The following SEC24B variants were observed in gnomAD, a reference collection of about 807,000 sequenced individuals.
The protein encoded by SEC24B is protein transport protein Sec24B.
In SEC24B, 45 loss-of-function variants were observed where a neutral mutation model predicts 142.8. The observed-to-expected ratio is 0.32, with a 90% CI of 0.25 to 0.40. The LOEUF (loss-of-function observed/expected upper bound fraction) is 0.40, where lower values mean the gene tolerates loss of function less well. Among genes scored for constraint, SEC24B ranks in the 10% least tolerant of loss-of-function variants. SEC24B has a pLI of 1.00. For synonymous variants in SEC24B, 574 were observed against 568.2 expected (o/e 1.01, Z -0.15); for missense variants, 1,409 against 1,526.8 (o/e 0.92, Z 1.29).
intron 4 of SEC24B, among the ~76,000 whole-genome samples, chr4:109,489,632 G>A (rs919715992): frequency 1.4e-5 from 2 of 144,092 alleles, no homozygotes; most frequent in African/African-American, 5.2e-5. Context: ...TAATATATAT[G>A]GTATATATAT....
At chr4:109,444,052 A>G (rs997107359) in intron 1 of SEC24B, among the ~76,000 whole-genome samples, 1 of 151,792 alleles carries the variant, frequency 6.6e-6, no homozygotes, top group Non-Finnish European at 1.5e-5. Flanking sequence ...GTAAAAACCC[A>G]TCTCTACTAA....
At chr4:109,517,720 T>C (rs369191570) in intron 11 of SEC24B, among the ~76,000 whole-genome samples, 3 of 152,168 alleles carry the variant, frequency 2.0e-5, no homozygotes, top group East Asian at 3.8e-4. Context: ...ATACATACAA[T>C]CTTATCTGTC....
intron 3 of SEC24B, among the ~76,000 whole-genome samples, chr4:109,478,320 T>G (rs771119197): frequency 1.1e-4 from 17 of 151,750 alleles, no homozygotes; most frequent in Admixed American, 3.9e-4. Context: ...ATAAAATAAT[T>G]AGCAGGACTG....
intron 1 of SEC24B, among the ~76,000 whole-genome samples, chr4:109,456,245 CACTT>C (rs1270507498): frequency 6.6e-6 from 1 of 151,036 alleles, no homozygotes; most frequent in Non-Finnish European, 1.5e-5. Context: ...TTGATAAACT[CACTT>C]ATTAATTCCA....
rs577552784 is a variant in SEC24B, at chr4:109,502,181, G to A, written c.1489-4147G>A. ...CTTAAGGCAGGAACAAGTTTGACAT[G>A]TTTGAGGAATAAAGTCCCAGTGTTG... On this transcript the variant is annotated intron_variant, in intron 6 of 23. Transcript: ENST00000265175. 5.3e-5 allele frequency among the ~76,000 whole-genome samples: 8 copies of A among 152,310 alleles called. No individual in the cohort carries two copies. The South Asian group carries it at 1.0e-3, about 20-fold the overall frequency.
chr4:109,505,946 T>A (rs1442038956), intron 6 of SEC24B, among the ~76,000 whole-genome samples: 1 of 152,150 alleles, frequency 6.6e-6, no homozygotes, highest in Non-Finnish European at 1.5e-5. Context: ...AGGCAAAACC[T>A]ATTGAACACG....
At chr4:109,435,448 A>G (rs1465221646) in intron 1 of SEC24B, among the ~76,000 whole-genome samples, 1 of 152,226 alleles carries the variant, frequency 6.6e-6, no homozygotes, top group Non-Finnish European at 1.5e-5. Context: ...AAAGAGCCCA[A>G]GTCTTTTAGA....
intron 2 of SEC24B, among the ~76,000 whole-genome samples, 185 bp from the exon 3 acceptor site, chr4:109,472,819 A>G (rs1732663062): frequency 6.6e-6 from 1 of 150,848 alleles, no homozygotes; most frequent in Non-Finnish European, 1.5e-5. Flanking sequence ...TTCTAGATAT[A>G]CTAGGTAAAT....
intron 4 of SEC24B, among the ~76,000 whole-genome samples, chr4:109,489,474 C>G (rs1165056344): frequency 6.6e-6 from 1 of 151,138 alleles, no homozygotes; most frequent in African/African-American, 2.4e-5. Context: ...TTGTGCAGTC[C>G]CCACTTCTAT....
chr4:109,438,284 CTCT>C (rs1728600908), intron 1 of SEC24B, among the ~76,000 whole-genome samples: 1 of 152,124 alleles, frequency 6.6e-6, no homozygotes, highest in South Asian at 2.1e-4. Flanking sequence ...AACTCTAGAT[CTCT>C]TCTTAAAACT....
At chr4:109,507,480 G>A (rs1736821809) in intron 7 of SEC24B, among the ~76,000 whole-genome samples, 1 of 151,858 alleles carries the variant, frequency 6.6e-6, no homozygotes, top group Admixed American at 6.6e-5. Flanking sequence ...CACCATGTTG[G>A]GCAGACTGTT....
chr4:109,532,440 T>G (rs1429031322), intron 20 of SEC24B, among the ~76,000 whole-genome samples, 199 bp from the exon 21 acceptor site: 1 of 152,126 alleles, frequency 6.6e-6, no homozygotes, highest in African/African-American at 2.4e-5. Context: ...TGTATTCATG[T>G]TTTTACTTTT....
At chr4:109,455,465 C>A (rs1285244868) in intron 1 of SEC24B, among the ~76,000 whole-genome samples, 1 of 151,974 alleles carries the variant, frequency 6.6e-6, no homozygotes, top group South Asian at 2.1e-4. Flanking sequence ...GGTCTCCAAC[C>A]CCTGACCTCA....
chr4:109,530,432 T>G lies in SEC24B; in HGVS notation c.3220T>G (p.Phe1074Val), dbSNP rs1462652958. 2 of 1,613,936 alleles carry G rather than the reference T, an allele frequency of 1.2e-6. No individual in the cohort carries two copies. Among genetic ancestry groups the G allele is most frequent in the Non-Finnish European group, 1.7e-6 (2 of 1,179,960 alleles). The change falls in exon 19 of 24, where the codon TTT becomes GTT. Residue 1074 changes from phenylalanine to valine, a missense_variant. This residue lies in a region of SEC24B where 700 missense variants were observed against 853.3 expected (regional missense o/e 0.82). Transcript: ENST00000265175. Reference protein sequence around the residue: ...ALMAPSSLKLFPLYVLALLKQ... With the variant: ...ALMAPSSLKLVPLYVLALLKQ... ...GATGGCGCCCAGCTCCCTCAAGTTG[T>G]TTCCTCTCTATGTTTTGGCCCTTCT...
intron 22 of SEC24B, among the ~76,000 whole-genome samples, chr4:109,534,542 G>A (rs949393060): frequency 1.3e-5 from 2 of 151,898 alleles, no homozygotes; most frequent in Admixed American, 6.6e-5. Context: ...AGCCGAGATC[G>A]TGCCACTGCA....
chr4:109,519,773 C>A (rs776582270), intron 11 of SEC24B, among the ~76,000 whole-genome samples: 5 of 152,186 alleles, frequency 3.3e-5, no homozygotes, highest in Non-Finnish European at 7.3e-5. Context: ...ATGCTTCTTG[C>A]TTCGATGCAT....
intron 8 of SEC24B, among the ~76,000 whole-genome samples, 186 bp from the exon 9 acceptor site, chr4:109,511,769 CAA>C (rs1185198714): frequency 3.9e-5 from 6 of 152,306 alleles, no homozygotes; most frequent in South Asian, 2.1e-4. Context: ...TGATTTGTGA[CAA>C]GAGGGAGAAA....
chr4:109,527,154 A>G (rs1474980846), intron 17 of SEC24B, among the ~76,000 whole-genome samples, 168 bp from the exon 18 acceptor site: 2 of 151,364 alleles, frequency 1.3e-5, no homozygotes, highest in Non-Finnish European at 1.5e-5. Context: ...AGGAGACAGA[A>G]GTTGCAGTGA....
chr4:109,490,552 G>A (rs1734920813), intron 4 of SEC24B, among the ~76,000 whole-genome samples: 1 of 152,012 alleles, frequency 6.6e-6, no homozygotes, highest in South Asian at 2.1e-4. Flanking sequence ...ATATACGCTA[G>A]CATACGTACC....
Sources: allele counts gnomAD v4.1 joint callset (sites outside exome capture counted in the v4.1 genomes callset), GRCh38; gene constraint gnomAD v4.1.1; regional missense constraint gnomAD v4.1.1; transcripts MANE v1.5; gene names NCBI Gene and HGNC (gene_info 2026-07-23, HGNC 2026-07-21).